The following TNNI3K variants were observed in gnomAD, a reference collection of about 807,000 sequenced individuals.
TNNI3K encodes TNNI3 interacting kinase.
Under a neutral mutation model 114.5 loss-of-function variants are expected in TNNI3K, and 140 were observed. The observed-to-expected ratio is 1.22, with a 90% confidence interval of 1.07 to 1.41. The LOEUF is 1.41. Among genes scored for constraint, TNNI3K ranks in the 40% most tolerant of loss-of-function variants. TNNI3K has a pLI of 0.00. For missense variants in TNNI3K, 1,125 were observed against 1,007.6 expected, an observed-to-expected ratio of 1.12 and a Z score of -1.58; for synonymous variants, 347 against 347.5, an observed-to-expected ratio of 1.00 and a Z score of 0.02.
intron 24 of TNNI3K, among the ~76,000 whole-genome samples, chr1:74,541,846 A>G (rs1341593177): frequency 1.3e-5 from 2 of 152,242 alleles, no homozygotes; most frequent in African/African-American, 2.4e-5. Context: ...CATACAAGAA[A>G]GAACGCTTTA....
chr1:74,409,822 GC>G (rs1664799892), intron 17 of TNNI3K, among the ~76,000 whole-genome samples: 1 of 151,980 alleles, frequency 6.6e-6, no homozygotes, highest in African/African-American at 2.4e-5. Context: ...TTACATTTGT[GC>G]ACATCTCAAA....
At chr1:74,265,873 A>G (rs1400534787) in intron 4 of TNNI3K, among the ~76,000 whole-genome samples, 1 of 144,802 alleles carries the variant, frequency 6.9e-6, no homozygotes, top group Non-Finnish European at 1.5e-5. Context: ...ATCTGGTTGC[A>G]CAAACATATG....
chr1:74,369,498 C>A lies in TNNI3K; in HGVS notation c.1580C>A (p.Ala527Asp). The stretch of plus-strand genomic sequence containing the variant: ...CCCTGCGTAATTCAGTTTGTGGGTG[C>A]TTGCTTGAATGATCCCAGCCAGTTT... ...NHPCVIQFVG[A>D]CLNDPSQFAI... is the part of the protein sequence containing the mutation. Residue 527 changes from alanine (A) to aspartate (D), a missense_variant, in exon 16 of 25, where the codon GCT becomes GAT. By Grantham distance (126) the Ala-to-Asp change is moderately radical. Coordinates refer to ENST00000326637, the MANE Select transcript of TNNI3K (RefSeq NM_015978.3). The A allele has an allele frequency of 6.2e-7, 1 of 1,612,740 alleles. No individual in the cohort carries two copies. The highest frequency in any genetic ancestry group is 1.1e-5 in the South Asian group (1 of 91,034).
chr1:74,535,158 CAA>C (rs1432469099), intron 23 of TNNI3K, among the ~76,000 whole-genome samples: 2 of 152,132 alleles, frequency 1.3e-5, no homozygotes, highest in Non-Finnish European at 2.9e-5. Flanking sequence ...GCTAGCTTCT[CAA>C]AGTCTGCATG....
intron 21 of TNNI3K, chr1:74,480,560 T>C: frequency 2.8e-6 from 2 of 717,410 alleles, no homozygotes; most frequent in Non-Finnish European, 2.6e-6. Context: ...AATAAAATTG[T>C]TGGATAAATC....
At chr1:74,282,717 CTCTGTCTCTT>C (rs1657089845) in intron 5 of TNNI3K, among the ~76,000 whole-genome samples, 1 of 152,114 alleles carries the variant, frequency 6.6e-6, no homozygotes, top group Non-Finnish European at 1.5e-5. Context: ...GGAAGCTTTT[CTCTGTCTCTT>C]TCTGTCTCTC....
At chr1:74,465,989 C>T (rs1461630688) in intron 21 of TNNI3K, among the ~76,000 whole-genome samples, 8 of 152,120 alleles carry the variant, frequency 5.3e-5, no homozygotes, top group African/African-American at 1.2e-4. Flanking sequence ...TTGCTCTTAG[C>T]GATAAGTCTT....
In TNNI3K at chr1:74,543,062, CCCTTTTTTTTTTTTTTTT is replaced by C. The variant is rs1437591889; in HGVS notation, c.2432-843_2432-826del. ...TCCTTTTCCTTTTCTTTTTCTTTTT[CCCTTTTTTTTTTTTTTTT>C]TTTTTTTTTTTTTGAGATGGAGTCT... On this transcript the variant is annotated intron_variant, in intron 24 of 24. Coordinates refer to ENST00000326637, the MANE Select transcript of TNNI3K (RefSeq NM_015978.3). 8.6e-5 allele frequency among the ~76,000 whole-genome samples: 9 copies of C among 104,618 alleles called. 1 individual carries two copies. Among genetic ancestry groups the C allele is most frequent in the Non-Finnish European group, 1.3e-4 (7 of 53,028 alleles). The allele number at this position is 104,618 out of a possible 152,430, so 68.6% of individuals were successfully genotyped here. A position where few individuals can be genotyped will look rare whatever the true frequency, so the allele number is the denominator to read the frequency against.
In TNNI3K at chr1:74,544,264, G is replaced by A. The variant is rs1300360706; in HGVS notation, c.*282G>A. 2.8e-6 allele frequency: 1 copy of A among 352,002 alleles called. No individual in the cohort carries two copies. Among genetic ancestry groups the A allele is most frequent in the Non-Finnish European group, 5.1e-6 (1 of 197,214 alleles). The allele number at this position is 352,002 out of a possible 1,614,324, so 21.8% of individuals were successfully genotyped here. On this transcript the variant is annotated 3_prime_UTR_variant, in exon 25 of 25. Coordinates refer to ENST00000326637, the MANE Select transcript of TNNI3K (RefSeq NM_015978.3). The stretch of plus-strand genomic sequence containing the variant: ...ATCGTTACTTGGAAATGGAGCCTAA[G>A]TCTGTGGTGGACAGATAATAATTAT...
At chr1:74,381,971 C>T (rs904173144) in intron 17 of TNNI3K, among the ~76,000 whole-genome samples, 8 of 152,194 alleles carry the variant, frequency 5.3e-5, no homozygotes, top group Non-Finnish European at 1.2e-4. Flanking sequence ...TCTATTTTTG[C>T]AGAGGATGTG....
chr1:74,457,927 A>G (rs1188230810), intron 20 of TNNI3K, among the ~76,000 whole-genome samples: 1 of 152,196 alleles, frequency 6.6e-6, no homozygotes, highest in Non-Finnish European at 1.5e-5. Flanking sequence ...GTAATATTTT[A>G]CTTGGTATTC....
intron 21 of TNNI3K, chr1:74,480,735 T>C (rs2100255713): frequency 1.4e-6 from 1 of 717,490 alleles, no homozygotes; most frequent in African/African-American, 1.7e-5. Flanking sequence ...ACCTGCAGGC[T>C]GTGAAGCTTG....
chr1:74,459,390 C>T (rs1667354386), intron 20 of TNNI3K, among the ~76,000 whole-genome samples: 1 of 151,982 alleles, frequency 6.6e-6, no homozygotes, highest in Non-Finnish European at 1.5e-5. Flanking sequence ...TATGATAGTA[C>T]AGGTTGTTAT....
chr1:74,528,473 A>G (rs1461465024), intron 23 of TNNI3K, among the ~76,000 whole-genome samples: 3 of 152,068 alleles, frequency 2.0e-5, no homozygotes, highest in African/African-American at 7.2e-5. Context: ...TGGGTAAAGG[A>G]GGATATTTGT....
intron 11 of TNNI3K, among the ~76,000 whole-genome samples, chr1:74,354,494 G>A (rs930820368): frequency 3.3e-5 from 5 of 150,750 alleles, no homozygotes; most frequent in African/African-American, 1.2e-4. Flanking sequence ...TAAGAAAGAA[G>A]TACAAGGGGG....
Position 74,353,345 on chromosome 1 carries a change from A to G in TNNI3K, c.1012A>G (p.Arg338Gly), listed in dbSNP as rs1661482015. 6.2e-7 allele frequency: 1 copy of G among 1,613,848 alleles called. No individual in the cohort carries two copies. The highest frequency in any genetic ancestry group is 8.5e-7 in the Non-Finnish European group (1 of 1,179,980). The change falls in exon 10 of 25, where the codon AGG becomes GGG. Residue 338 changes from arginine to glycine, a missense_variant. Transcript: ENST00000326637. ...TGTCATAAACATCAACCACCAAGGA[A>G]GGGATGGGCACACTGGTAAGACTGT... Reference protein sequence around the residue: ...QNVININHQGRDGHTGLHSAC... With the variant: ...QNVININHQGGDGHTGLHSAC...
chr1:74,303,121 A>G (rs752181353), intron 5 of TNNI3K, among the ~76,000 whole-genome samples: 13 of 152,216 alleles, frequency 8.5e-5, no homozygotes, highest in Admixed American at 2.0e-4. Flanking sequence ...CACTTTGCCC[A>G]TGCTCTATGA....
At chr1:74,448,003 C>T (rs1431974537) in intron 20 of TNNI3K, among the ~76,000 whole-genome samples, 1 of 33,082 alleles carries the variant, frequency 3.0e-5, no homozygotes, top group African/African-American at 1.3e-4. Flanking sequence ...AGTAAACTAT[C>T]GCAAGAACAA....
chr1:74,242,868 T>A (rs1654330056), intron 2 of TNNI3K, among the ~76,000 whole-genome samples: 1 of 152,110 alleles, frequency 6.6e-6, no homozygotes, highest in African/African-American at 2.4e-5. Context: ...TCTCTCTATC[T>A]CTCCCTATTG....
Sources: allele counts gnomAD v4.1 joint callset (sites outside exome capture counted in the v4.1 genomes callset), GRCh38; gene constraint gnomAD v4.1.1; transcripts MANE v1.5; gene names NCBI Gene and HGNC (gene_info 2026-07-23, HGNC 2026-07-21).